SMTNL2: variants seen among roughly 807,000 people sequenced by gnomAD.
SMTNL2 encodes the protein smoothelin like 2.
Under a neutral mutation model 44.1 loss-of-function variants are expected in SMTNL2, and 43 were observed. That is an observed-to-expected ratio of 0.98 (90% CI 0.76 to 1.26). The LOEUF is 1.26. Ranked by LOEUF, SMTNL2 falls within the 50% of genes most tolerant of loss-of-function variation. SMTNL2 has a pLI of 0.00. For missense variants in SMTNL2, 646 were observed against 670.2 expected (o/e 0.96, Z 0.40); for synonymous variants, 317 against 287.6 (o/e 1.10, Z -1.03).
At chr17:4,591,791 C>T (rs1253799703) in intron 1 of SMTNL2, among the ~76,000 whole-genome samples, 1 of 152,258 alleles carries the variant, frequency 6.6e-6, no homozygotes, top group African/African-American at 2.4e-5. Context: ...CTGCCCCACC[C>T]ACTACTACTG....
At position 4,586,064 on chromosome 17, in the gene SMTNL2, T is replaced by C. The variant is rs185431885; in HGVS notation, c.399+1060T>C. Reference sequence around the variant, plus strand: ...GGGGCCTGGGGCTTGCTGCTACTGGTGCAGATGAGGGTGGGGTGGGGGCTG... The same window carrying C: ...GGGGCCTGGGGCTTGCTGCTACTGGCGCAGATGAGGGTGGGGTGGGGGCTG... On this transcript the variant is annotated intron_variant, in intron 1 of 7. Coordinates refer to ENST00000389313, the MANE Select transcript of SMTNL2 (RefSeq NM_001114974.2). Among the ~76,000 whole-genome samples, 501 of 152,166 alleles carry C rather than the reference T, an allele frequency of 3.3e-3. 3 individuals are homozygous for C. Among genetic ancestry groups the C allele is most frequent in the African/African-American group, 0.012 (480 of 41,520 alleles).
In SMTNL2 at chr17:4,602,569, C is replaced by T. The variant is rs138633578; in HGVS notation, c.1260-4792C>T. Reference sequence around the variant, plus strand: ...AACTCCTGACCTCAGGTGATCCTCTCGCCTCAGCCTCCCAAAGTGCTGGGA... The same window carrying T: ...AACTCCTGACCTCAGGTGATCCTCTTGCCTCAGCCTCCCAAAGTGCTGGGA... On this transcript the variant is annotated intron_variant, in intron 7 of 7. Transcript: ENST00000389313. Among the ~76,000 whole-genome samples the T allele has an allele frequency of 7.4e-4, 112 of 151,824 alleles. No individual in the cohort carries two copies. The East Asian group carries it at 0.02, about 27-fold the overall frequency.
rs1376690348 is a variant in SMTNL2 at position 4,592,697 on chromosome 17, G to A, written c.488-232G>A. On this transcript the variant is annotated intron_variant, in intron 2 of 7. Transcript: ENST00000389313. This position sits in a 1 kb window ranked among gnomAD's most constrained non-coding sequence, Gnocchi z 4.5. ...TAGAGGAAAGCAAATAGAGGCTGAG[G>A]AGCCGACTAGTATTTATTAAGCTGG... 6.6e-6 allele frequency among the ~76,000 whole-genome samples: 1 copy of A among 152,174 alleles called. No homozygotes were observed. The highest frequency in any genetic ancestry group is 2.4e-5 in the African/African-American group (1 of 41,446).
chr17:4,595,163 A>G lies in SMTNL2; in HGVS notation c.825A>G (p.Pro275=). Residue 275 remains proline, a synonymous_variant, in exon 5 of 8, where the codon CCA becomes CCG. Coordinates refer to ENST00000389313, the MANE Select transcript of SMTNL2 (RefSeq NM_001114974.2). The surrounding 1 kb of genome is among the most constrained non-coding windows in gnomAD (Gnocchi z 5.1). ...TCCTCAGCCCACCGCTGGTGACACCACCCCAGTCGCCCGTGTCCCCGCAGC... is the reference window on the plus strand; with the variant it reads ...TCCTCAGCCCACCGCTGGTGACACCGCCCCAGTCGCCCGTGTCCCCGCAGC... ...KHSNSPPLVT[P]PQSPVSPQPP... 2 of 1,611,826 alleles carry G rather than the reference A, an allele frequency of 1.2e-6. No homozygotes were observed. Among genetic ancestry groups the G allele is most frequent in the Non-Finnish European group, 1.7e-6 (2 of 1,179,572 alleles).
chr17:4,591,517 A>G (rs1909570226), intron 1 of SMTNL2, among the ~76,000 whole-genome samples: 1 of 152,224 alleles, frequency 6.6e-6, no homozygotes, highest in African/African-American at 2.4e-5. Flanking sequence ...CCCATCTCTG[A>G]AATGGCTCTG....
In SMTNL2 at chr17:4,600,974, C is replaced by A. The variant is rs555116704; in HGVS notation, c.1259+3651C>A. Among the ~76,000 whole-genome samples the A allele has an allele frequency of 2.0e-5, 3 of 152,326 alleles. No homozygotes were observed. Among genetic ancestry groups the A allele is most frequent in the Admixed American group, 6.5e-5 (1 of 15,312 alleles). On this transcript the variant is annotated intron_variant, in intron 7 of 7. Transcript: ENST00000389313. The surrounding 1 kb of genome is among the most constrained non-coding windows in gnomAD (Gnocchi z 4.7). ...AGCAGGCTTAAAAAAATAAAAATAACCCCCAAGCCCATCCTCCAGCTCCCT... is the reference window on the plus strand; with the variant it reads ...AGCAGGCTTAAAAAAATAAAAATAAACCCCAAGCCCATCCTCCAGCTCCCT...
Position 4,607,753 on chromosome 17 carries a change from G to T in SMTNL2, c.*266G>T. The T allele has an allele frequency of 2.6e-6, 1 of 382,846 alleles. No homozygotes were observed. Among genetic ancestry groups the T allele is most frequent in the Non-Finnish European group, 4.7e-6 (1 of 214,400 alleles). 23.7% of individuals were successfully genotyped at this position (382,846 alleles called of 1,614,324 possible). On this transcript the variant is annotated 3_prime_UTR_variant, in exon 8 of 8. Transcript: ENST00000389313. The surrounding 1 kb of genome is among the most constrained non-coding windows in gnomAD (Gnocchi z 4.7). ...AGAGAGAGAGAGACATTGGTGCTAAGTAATGATCTTCCTAAAGAAATGCTT... is the reference window on the plus strand; with the variant it reads ...AGAGAGAGAGAGACATTGGTGCTAATTAATGATCTTCCTAAAGAAATGCTT...
chr17:4,606,265 G>A (rs1445134793), intron 7 of SMTNL2, among the ~76,000 whole-genome samples: 2 of 152,002 alleles, frequency 1.3e-5, no homozygotes, highest in African/African-American at 4.8e-5. Context: ...GGGACTACAG[G>A]CACACGCCAC....
chr17:4,592,440 C>G lies in SMTNL2; in HGVS notation c.479C>G (p.Pro160Arg), dbSNP rs763349469. ...NSCIMENGHQ[P>R]GAGPGDGPPE... ...TGCATCATGGAAAATGGGCACCAGCCGGGGGCAGGTAGGGCTGACGGCAGA... is the reference window on the plus strand; with the variant it reads ...TGCATCATGGAAAATGGGCACCAGCGGGGGGCAGGTAGGGCTGACGGCAGA... Residue 160 changes from proline (P) to arginine (R), a missense_variant, in exon 2 of 8, where the codon CCG becomes CGG. Coordinates refer to ENST00000389313, the MANE Select transcript of SMTNL2 (RefSeq NM_001114974.2). This position sits in a 1 kb window ranked among gnomAD's most constrained non-coding sequence, Gnocchi z 4.5. 1.2e-6 allele frequency: 2 copies of G among 1,612,140 alleles called. No homozygotes were observed. The highest frequency in any genetic ancestry group is 1.7e-6 in the Non-Finnish European group (2 of 1,179,494).
chr17:4,596,809 G>T (rs1417723846), intron 5 of SMTNL2, 51 bp from the exon 6 acceptor site: 2 of 1,397,826 alleles, frequency 1.4e-6, no homozygotes, highest in African/African-American at 2.9e-5. Context: ...ACCCGCACTG[G>T]GAGATGGCAG....
intron 1 of SMTNL2, among the ~76,000 whole-genome samples, chr17:4,588,522 G>A (rs1395534132): frequency 1.3e-5 from 2 of 152,172 alleles, no homozygotes; most frequent in Non-Finnish European, 2.9e-5. Context: ...CCCCTCCCTG[G>A]TTTCCTTCCG....
In SMTNL2 at chr17:4,592,529, G is replaced by A; in HGVS notation, c.487+81G>A. 5 of 1,362,688 alleles carry A rather than the reference G, an allele frequency of 3.7e-6. No individual in the cohort carries two copies. Among genetic ancestry groups the A allele is most frequent in the Non-Finnish European group, 5.0e-6 (5 of 992,910 alleles). The allele number at this position is 1,362,688 out of a possible 1,614,324, so 84.4% of individuals were successfully genotyped here. On this transcript the variant is annotated intron_variant, in intron 2 of 7. Coordinates refer to ENST00000389313, the MANE Select transcript of SMTNL2 (RefSeq NM_001114974.2). The surrounding 1 kb of genome is among the most constrained non-coding windows in gnomAD (Gnocchi z 4.5). ...CTTGGTCAGGTATCTGTGCCAGGCT[G>A]GCCCTTGGCCTGGCATCGGGGGGAC...
chr17:4,589,113 G>A (rs1342063971), intron 1 of SMTNL2, among the ~76,000 whole-genome samples: 4 of 152,130 alleles, frequency 2.6e-5, no homozygotes, highest in Non-Finnish European at 5.9e-5. Context: ...CTTTGCCGGA[G>A]AACCCTTAGC....
At chr17:4,589,261 C>A (rs899764951) in intron 1 of SMTNL2, among the ~76,000 whole-genome samples, 1 of 152,274 alleles carries the variant, frequency 6.6e-6, no homozygotes. Context: ...TATAGAGAAA[C>A]ATATTTCCTG....
intron 7 of SMTNL2, among the ~76,000 whole-genome samples, chr17:4,601,363 C>T (rs1412464134): frequency 6.6e-6 from 1 of 151,964 alleles, no homozygotes; most frequent in African/African-American, 2.4e-5. Flanking sequence ...TGCAGTGAAC[C>T]CAGATGGTGC....
chr17:4,593,956 G>A, intron 4 of SMTNL2, 59 bp downstream of exon 4: 1 of 1,592,274 alleles, frequency 6.3e-7, no homozygotes, highest in Non-Finnish European at 8.6e-7. Context: ...TCTCTGCTTT[G>A]GACGCAGGCC....
chr17:4,592,398 G>A lies in SMTNL2; in HGVS notation c.437G>A (p.Arg146Lys). Residue 146 changes from arginine (R) to lysine (K), a missense_variant, in exon 2 of 8, where the codon AGA (arginine) becomes AAA (lysine). Transcript: ENST00000389313. This position sits in a 1 kb window ranked among gnomAD's most constrained non-coding sequence, Gnocchi z 4.5. ...GATGAGGCCAGTGAGTCGGAGATGA[G>A]AAAGACCTCAAACTCCTGCATCATG... The part of the protein sequence containing the change: ...DHDEASESEM[R>K]KTSNSCIMEN... 6.2e-7 allele frequency: 1 copy of A among 1,613,758 alleles called. No individual in the cohort carries two copies. Among genetic ancestry groups the A allele is most frequent in the Non-Finnish European group, 8.5e-7 (1 of 1,179,986 alleles).
intron 7 of SMTNL2, among the ~76,000 whole-genome samples, chr17:4,603,530 T>C (rs926258301): frequency 4.6e-5 from 7 of 152,118 alleles, no homozygotes; most frequent in Admixed American, 4.6e-4. Flanking sequence ...GACCCTGAGA[T>C]GAACAAGCTG....
intron 1 of SMTNL2, among the ~76,000 whole-genome samples, chr17:4,586,252 G>A (rs1382047908): frequency 6.6e-6 from 1 of 152,166 alleles, no homozygotes; most frequent in African/African-American, 2.4e-5. Flanking sequence ...AGCAGAACCC[G>A]GGAGTGTCCC....
Sources: allele counts gnomAD v4.1 joint callset (sites outside exome capture counted in the v4.1 genomes callset), GRCh38; gene constraint gnomAD v4.1.1; non-coding constraint Gnocchi (gnomAD v3.1); transcripts MANE v1.5; gene names NCBI Gene and HGNC (gene_info 2026-07-23, HGNC 2026-07-21).